ARHGAP32: variants seen among roughly 807,000 people sequenced by gnomAD.
ARHGAP32 encodes rho GTPase-activating protein 32.
In ARHGAP32, 51 loss-of-function variants were observed where a neutral mutation model predicts 186.5. That is an observed-to-expected ratio of 0.27 (90% CI 0.22 to 0.35). ARHGAP32 has a LOEUF of 0.35. Ranked by LOEUF, ARHGAP32 falls within the 10% of genes least tolerant of loss-of-function variation. The probability of loss-of-function intolerance (pLI) is 1.00; values close to 1 mark genes in which losing one functional copy is unlikely to be tolerated. For synonymous variants in ARHGAP32, 950 were observed against 964.3 expected (o/e 0.99, Z 0.27); for missense variants, 2,186 against 2,623.5 (o/e 0.83, Z 3.64).
chr11:129,001,197 A>C (rs914336194), intron 11 of ARHGAP32, among the ~76,000 whole-genome samples: 1 of 152,084 alleles, frequency 6.6e-6, no homozygotes, highest in African/African-American at 2.4e-5. Flanking sequence ...TTTTTTGAGG[A>C]CCCTCAAACT....
intron 11 of ARHGAP32, among the ~76,000 whole-genome samples, chr11:129,011,106 G>A (rs944715839): frequency 3.9e-5 from 6 of 152,178 alleles, no homozygotes; most frequent in Non-Finnish European, 8.8e-5. Context: ...ACTGATGGCA[G>A]ACAATGAATG....
At chr11:129,167,008 TCTCTATAGTGAACACTAGA>T (rs2135493893) in intron 1 of ARHGAP32, among the ~76,000 whole-genome samples, 1 of 152,134 alleles carries the variant, frequency 6.6e-6, no homozygotes, top group African/African-American at 2.4e-5. Flanking sequence ...TATGTTGCAG[TCTCTATAGTGAACACTAGA>T]AGAACGAGAA....
At position 128,969,998 on chromosome 11, in the gene ARHGAP32, T is replaced by C. The variant is rs759298179; in HGVS notation, c.5215A>G (p.Asn1739Asp). The stretch of plus-strand genomic sequence containing the variant: ...GCAGCCGGAGGCATGCTGACTACAT[T>C]ATGGTCGTTGGGAGAGAAATAGCCA... ...VTGYFSPNDHNVVSMPPAADV... is the reference protein window; with the variant it reads ...VTGYFSPNDHDVVSMPPAADV... Residue 1739 changes from asparagine to aspartate, a missense_variant, in exon 23 of 23, where the codon AAT (asparagine) becomes GAT (aspartate). Coordinates refer to ENST00000682385, the MANE Select transcript of ARHGAP32 (RefSeq NM_001378024.1). This position sits in a 1 kb window ranked among gnomAD's most constrained non-coding sequence, Gnocchi z 4.8. 2 of 1,614,092 alleles carry C rather than the reference T, an allele frequency of 1.2e-6. No individual in the cohort carries two copies. The highest frequency in any genetic ancestry group is 1.7e-6 in the Non-Finnish European group (2 of 1,180,004).
intron 12 of ARHGAP32, among the ~76,000 whole-genome samples, chr11:128,995,901 G>A (rs1365421521): frequency 6.6e-6 from 1 of 152,190 alleles, no homozygotes; most frequent in African/African-American, 2.4e-5. Flanking sequence ...ATTATGCTAT[G>A]ATGAACACTT....
At chr11:129,268,281 C>T (rs1945431585) in intron 1 of ARHGAP32, among the ~76,000 whole-genome samples, 1 of 152,062 alleles carries the variant, frequency 6.6e-6, no homozygotes, top group Non-Finnish European at 1.5e-5. Flanking sequence ...AAAGAGCTAT[C>T]ATGTGAAAAA....
chr11:129,271,376 A>G (rs961609417), intron 1 of ARHGAP32, among the ~76,000 whole-genome samples: 1 of 152,114 alleles, frequency 6.6e-6, no homozygotes. Flanking sequence ...AAAAGAAATC[A>G]AGGAGGAGGA....
chr11:129,186,528 T>C (rs1205346368), intron 1 of ARHGAP32, among the ~76,000 whole-genome samples: 1 of 152,060 alleles, frequency 6.6e-6, no homozygotes, highest in Non-Finnish European at 1.5e-5. Flanking sequence ...ATACTTACTG[T>C]TAAAAGAATA....
chr11:129,252,278 C>CTCTCG (rs1945196271), intron 1 of ARHGAP32, among the ~76,000 whole-genome samples: 1 of 152,164 alleles, frequency 6.6e-6, no homozygotes, highest in Non-Finnish European at 1.5e-5. Context: ...CAAACTCCTA[C>CTCTCG]TCTCGAAAAC....
chr11:128,973,760 A>G, intron 21 of ARHGAP32: 2 of 516,524 alleles, frequency 3.9e-6, no homozygotes, highest in Non-Finnish European at 6.8e-6. Context: ...TATTATGAAC[A>G]GTTTTTACAT....
chr11:129,167,563 C>A, intron 1 of ARHGAP32, among the ~76,000 whole-genome samples: 1 of 152,126 alleles, frequency 6.6e-6, no homozygotes, highest in Admixed American at 6.5e-5. Context: ...CTGATTCATG[C>A]TACCACAGGG....
chr11:129,213,829 G>C (rs1944611782), intron 1 of ARHGAP32, among the ~76,000 whole-genome samples: 1 of 152,002 alleles, frequency 6.6e-6, no homozygotes, highest in Non-Finnish European at 1.5e-5. Context: ...GGCATTAAAT[G>C]AGGTCAGGAA....
intron 8 of ARHGAP32, 60 bp downstream of exon 8, chr11:129,064,781 A>G: frequency 7.6e-7 from 1 of 1,319,172 alleles, no homozygotes; most frequent in Non-Finnish European, 1.1e-6. Flanking sequence ...TGTTAATATC[A>G]AATTTCTTAA....
At chr11:129,180,053 G>A (rs1364653059) in intron 1 of ARHGAP32, among the ~76,000 whole-genome samples, 3 of 151,828 alleles carry the variant, frequency 2.0e-5, no homozygotes, top group Admixed American at 1.3e-4. Context: ...ACATTAGCAA[G>A]ATCACTGGTT....
intron 6 of ARHGAP32, among the ~76,000 whole-genome samples, chr11:129,088,452 T>C (rs1326831818): frequency 6.6e-6 from 1 of 152,090 alleles, no homozygotes; most frequent in Non-Finnish European, 1.5e-5. Flanking sequence ...CTGTGGCATG[T>C]GTCTGTAATC....
chr11:129,044,869 AGT>A (rs758211095), intron 10 of ARHGAP32, among the ~76,000 whole-genome samples: 12 of 151,986 alleles, frequency 7.9e-5, no homozygotes, highest in Non-Finnish European at 1.3e-4. Context: ...CTAGTTTCTA[AGT>A]TCGAGTATCT....
At chr11:129,089,419 T>C (rs1203622747) in intron 6 of ARHGAP32, among the ~76,000 whole-genome samples, 1 of 152,218 alleles carries the variant, frequency 6.6e-6, no homozygotes, top group East Asian at 1.9e-4. Context: ...GGAGGTGTTA[T>C]CTAAATCAAG....
At chr11:129,136,750 T>C (rs1448875556) in intron 2 of ARHGAP32, among the ~76,000 whole-genome samples, 6 of 152,088 alleles carry the variant, frequency 3.9e-5, no homozygotes, top group African/African-American at 1.4e-4. Flanking sequence ...CATTAGATTA[T>C]TGCAATAGAT....
intron 6 of ARHGAP32, among the ~76,000 whole-genome samples, chr11:129,081,167 A>C (rs1045746865): frequency 1.3e-5 from 2 of 152,142 alleles, no homozygotes; most frequent in African/African-American, 4.8e-5. Flanking sequence ...TTCACAGCTG[A>C]ATTCTATTAG....
Position 129,251,796 on chromosome 11 carries a change from T to A in ARHGAP32, c.-5+27350A>T, listed in dbSNP as rs189617970. Among the ~76,000 whole-genome samples, 3 of 150,600 alleles carry A rather than the reference T, an allele frequency of 2.0e-5. No homozygotes were observed. The East Asian group carries it at 5.9e-4, about 29-fold the overall frequency. On this transcript the variant is annotated intron_variant, in intron 1 of 6. Coordinates refer to the ARHGAP32 transcript ENST00000525234. ...AAAAAAAAAAAAAATCAGCTGGGTG[T>A]GGCGAGGTGTGCCTGTAATCCCAGC...
Sources: allele counts gnomAD v4.1 joint callset (sites outside exome capture counted in the v4.1 genomes callset), GRCh38; gene constraint gnomAD v4.1.1; non-coding constraint Gnocchi (gnomAD v3.1); transcripts MANE v1.5; gene names NCBI Gene and HGNC (gene_info 2026-07-23, HGNC 2026-07-21).